Variants in RTKN2 observed in about 807,000 individuals in gnomAD.
RTKN2 encodes the protein rhotekin 2.
RTKN2 carries 69 observed loss-of-function variants against 71.5 expected under a neutral mutation model. That is an observed-to-expected ratio of 0.96 (90% CI 0.79 to 1.18). The LOEUF is 1.18. Ranked by LOEUF, RTKN2 falls within the 50% of genes most tolerant of loss-of-function variation. The pLI is 0.00. For missense variants in RTKN2, 724 were observed against 719.7 expected (o/e 1.01, Z -0.07); for synonymous variants, 236 against 236.5 (o/e 1.00, Z 0.02).
chr10:62,256,714 A>G (rs1564528858), intron 2 of RTKN2, among the ~76,000 whole-genome samples: 1 of 151,424 alleles, frequency 6.6e-6, no homozygotes, highest in South Asian at 2.1e-4. Context: ...CTGTGTGTGT[A>G]TAGAAAAAAT....
chr10:62,239,654 G>T lies in RTKN2; in HGVS notation c.482C>A (p.Thr161Asn), dbSNP rs1377208908. 2.9e-6 allele frequency: 4 copies of T among 1,357,312 alleles called. No homozygotes were observed. The highest frequency in any genetic ancestry group is 2.0e-5 in the Admixed American group (1 of 50,490). The allele number at this position is 1,357,312 out of a possible 1,614,324, so 84.1% of individuals were successfully genotyped here. The change falls in exon 5 of 12, where the codon ACC (threonine) becomes AAC (asparagine). Residue 161 changes from threonine (T) to asparagine (N), a missense_variant. Transcript: ENST00000373789. ...AAGATTAAAAAATACTTACAATATG[G>T]TTACATTTTCAAAACATATATCTGT... ...TITDICFENVTIFNEAGPDFQ... is the reference protein window; with the variant it reads ...TITDICFENVNIFNEAGPDFQ...
chr10:62,218,043 C>G, intron 8 of RTKN2, 152 bp downstream of exon 8: 1 of 541,300 alleles, frequency 1.8e-6, no homozygotes, highest in Admixed American at 3.2e-5. Flanking sequence ...ACCCCGCACC[C>G]CCTACAGTTT....
chr10:62,240,825 T>C (rs930197410), intron 4 of RTKN2, among the ~76,000 whole-genome samples: 3 of 152,200 alleles, frequency 2.0e-5, no homozygotes, highest in Admixed American at 6.5e-5. Context: ...ACAAGAAATG[T>C]TGGCTTTACC....
In RTKN2 at chr10:62,196,434, G is replaced by C; in HGVS notation, c.*1474C>G. On this transcript the variant is annotated 3_prime_UTR_variant, in exon 12 of 12. Coordinates refer to ENST00000373789, the MANE Select transcript of RTKN2 (RefSeq NM_145307.4). ...CTCCCTCAAGATTCAATTCTTACTA[G>C]GAGTCCTGGGCAAACACAAAAGTGT... 1 of 985,344 alleles carries C rather than the reference G, an allele frequency of 1.0e-6. No homozygotes were observed. The highest frequency in any genetic ancestry group is 1.2e-6 in the Non-Finnish European group (1 of 829,888). The allele number at this position is 985,344 out of a possible 1,614,324, so 61.0% of individuals were successfully genotyped here.
At chr10:62,184,468 A>G (rs1841103626) in intron 8 of RTKN2, 1 of 688,182 alleles carries the variant, frequency 1.5e-6, no homozygotes, top group African/African-American at 1.9e-5. Flanking sequence ...CAGAATCACA[A>G]AAGGCAGTCA....
At chr10:62,246,169 A>C in intron 2 of RTKN2, 112 bp from the exon 3 acceptor site, 1 of 643,290 alleles carries the variant, frequency 1.6e-6, no homozygotes, top group Non-Finnish European at 2.7e-6. Flanking sequence ...CGTGAATAAT[A>C]ATGACTTCCA....
At chr10:62,225,020 A>G (rs1460656936) in intron 6 of RTKN2, among the ~76,000 whole-genome samples, 1 of 150,058 alleles carries the variant, frequency 6.7e-6, no homozygotes, top group African/African-American at 2.4e-5. Flanking sequence ...CCCAGGGACA[A>G]AGGCTGTCTT....
intron 9 of RTKN2, among the ~76,000 whole-genome samples, chr10:62,208,465 C>A (rs928392518): frequency 6.6e-6 from 1 of 152,082 alleles, no homozygotes; most frequent in African/African-American, 2.4e-5. Context: ...AGAGTCAACT[C>A]GAAGGGGCTT....
chr10:62,185,886 T>G (rs995099987), intron 8 of RTKN2, among the ~76,000 whole-genome samples: 4 of 152,168 alleles, frequency 2.6e-5, no homozygotes, highest in African/African-American at 9.7e-5. Context: ...GTAGCTAACA[T>G]GTATTGATTA....
intron 2 of RTKN2, among the ~76,000 whole-genome samples, chr10:62,247,003 A>G (rs898500201): frequency 6.6e-6 from 1 of 151,970 alleles, no homozygotes; most frequent in Admixed American, 6.6e-5. Context: ...TATTCTTTGT[A>G]TTTTTCATTC....
chr10:62,200,198 A>T (rs1841411816), intron 10 of RTKN2, among the ~76,000 whole-genome samples: 1 of 151,882 alleles, frequency 6.6e-6, no homozygotes, highest in Non-Finnish European at 1.5e-5. Flanking sequence ...CCCCTTCTCT[A>T]CTAAAAATAC....
At chr10:62,245,719 C>A (rs1239530021) in intron 3 of RTKN2, among the ~76,000 whole-genome samples, 1 of 152,112 alleles carries the variant, frequency 6.6e-6, no homozygotes, top group Non-Finnish European at 1.5e-5. Context: ...AGTCACTTAG[C>A]CTCTGAGTCT....
At chr10:62,227,632 T>C (rs1379980901) in intron 6 of RTKN2, among the ~76,000 whole-genome samples, 3 of 152,052 alleles carry the variant, frequency 2.0e-5, no homozygotes, top group Non-Finnish European at 2.9e-5. Context: ...GTGCAGCAAA[T>C]GGTAGGTTCC....
intron 2 of RTKN2, among the ~76,000 whole-genome samples, chr10:62,261,575 C>T (rs113814938): frequency 2.0e-5 from 3 of 152,152 alleles, no homozygotes; most frequent in African/African-American, 4.8e-5. Context: ...CGCTTGAACC[C>T]GGGAGGCAGA....
At position 62,196,663 on chromosome 10, in the gene RTKN2, T is replaced by C. The variant is rs998624361; in HGVS notation, c.*1245A>G. On this transcript the variant is annotated 3_prime_UTR_variant, in exon 12 of 12. Transcript: ENST00000373789. Reference sequence around the variant, plus strand: ...AGGGCAGCAATTTAATTCTTAAATTTTTATTTCTTGCAATGACATTTAGGG... The same window carrying C: ...AGGGCAGCAATTTAATTCTTAAATTCTTATTTCTTGCAATGACATTTAGGG... The C allele has an allele frequency of 1.1e-5, 11 of 985,044 alleles. No individual in the cohort carries two copies. Among genetic ancestry groups the C allele is most frequent in the Admixed American group, 6.2e-5 (1 of 16,250 alleles). The allele number at this position is 985,044 out of a possible 1,614,324, so 61.0% of individuals were successfully genotyped here. A position where few individuals can be genotyped will look rare whatever the true frequency, so the allele number is the denominator to read the frequency against.
intron 3 of RTKN2, among the ~76,000 whole-genome samples, chr10:62,244,607 G>A (rs1269000915): frequency 2.0e-5 from 3 of 151,990 alleles, no homozygotes; most frequent in Admixed American, 1.3e-4. Context: ...GATATGTTTA[G>A]TTTTTATAAA....
At chr10:62,192,092 T>TA (rs112703810), downstream of RTKN2, among the ~76,000 whole-genome samples, 1,507 of 142,714 alleles carry the variant, frequency 0.011, 21 homozygotes, top group African/African-American at 0.033. Flanking sequence ...CAAATGAGGT[T>TA]AAAAAAAAAA....
intron 2 of RTKN2, among the ~76,000 whole-genome samples, chr10:62,251,648 G>T (rs1326373404): frequency 2.6e-5 from 4 of 151,994 alleles, no homozygotes; most frequent in Non-Finnish European, 4.4e-5. Flanking sequence ...AAAATATAAA[G>T]TAACAAAAAC....
intron 7 of RTKN2, among the ~76,000 whole-genome samples, chr10:62,220,644 G>T (rs1841886069): frequency 6.6e-6 from 1 of 152,070 alleles, no homozygotes; most frequent in Admixed American, 6.6e-5. Flanking sequence ...CAACAGCAGA[G>T]GCAGTTTCAA....
Sources: allele counts gnomAD v4.1 joint callset (sites outside exome capture counted in the v4.1 genomes callset), GRCh38; gene constraint gnomAD v4.1.1; transcripts MANE v1.5; gene names NCBI Gene and HGNC (gene_info 2026-07-23, HGNC 2026-07-21).